Variants in MACROD2 observed in about 807,000 individuals in gnomAD.
MACROD2 encodes mono-ADP ribosylhydrolase 2, also known as ADP-ribose glycohydrolase MACROD2.
A neutral mutation model predicts 70.4 loss-of-function variants in MACROD2; 36 were observed. That is an observed-to-expected ratio of 0.51 (90% CI 0.39 to 0.68). The LOEUF is 0.68. Ranked by LOEUF, MACROD2 falls within the 30% of genes least tolerant of loss-of-function variation. MACROD2 has a pLI of 0.00. For missense variants in MACROD2, 496 were observed against 538.4 expected (o/e 0.92, Z 0.78); for synonymous variants, 172 against 178.8 (o/e 0.96, Z 0.30).
At chr20:15,304,877 G>A (rs544114181) in intron 6 of MACROD2, among the ~76,000 whole-genome samples, 5 of 152,230 alleles carry the variant, frequency 3.3e-5, no homozygotes, top group Non-Finnish European at 5.9e-5. Flanking sequence ...TGCCCTCATG[G>A]CAACTGGCCA....
intron 4 of MACROD2, among the ~76,000 whole-genome samples, chr20:14,578,817 A>C (rs1289128798): frequency 6.6e-6 from 1 of 152,188 alleles, no homozygotes; most frequent in African/African-American, 2.4e-5. Flanking sequence ...GTAGATGGAT[A>C]ATAATTTACT....
intron 8 of MACROD2, among the ~76,000 whole-genome samples, chr20:15,627,252 G>A (rs1195797261): frequency 1.3e-5 from 2 of 150,960 alleles, no homozygotes; most frequent in Non-Finnish European, 3.0e-5. Flanking sequence ...AAAAAAACTG[G>A]GACCATCCTC....
At chr20:15,096,808 ATTTTT>A (rs11479076) in intron 5 of MACROD2, among the ~76,000 whole-genome samples, 1 of 93,658 alleles carries the variant, frequency 1.1e-5, no homozygotes. Context: ...CACTATGCTA[ATTTTT>A]TTTTTTTTTT....
At chr20:15,781,060 T>C (rs2051822895) in intron 8 of MACROD2, among the ~76,000 whole-genome samples, 1 of 152,204 alleles carries the variant, frequency 6.6e-6, no homozygotes, top group South Asian at 2.1e-4. Context: ...GAGTAATAAT[T>C]AAAATAATAA....
chr20:14,174,245 C>G (rs1442454503), intron 3 of MACROD2, among the ~76,000 whole-genome samples: 1 of 152,012 alleles, frequency 6.6e-6, no homozygotes, highest in East Asian at 1.9e-4. Flanking sequence ...GGATTATGTC[C>G]TTTGTCTTTG....
intron 6 of MACROD2, among the ~76,000 whole-genome samples, chr20:15,255,216 ACT>A (rs1164582735): frequency 1.3e-5 from 2 of 151,888 alleles, no homozygotes; most frequent in Admixed American, 1.3e-4. Context: ...TTTATCCTGT[ACT>A]CTCTAATGTA....
Position 15,164,108 on chromosome 20 carries a change from A to G in MACROD2, c.419-65832A>G, listed in dbSNP as rs147549532. On this transcript the variant is annotated intron_variant, in intron 5 of 17. Coordinates refer to ENST00000684519, the MANE Select transcript of MACROD2 (RefSeq NM_001351661.2). ...TCGCAAAATTTAATACTCAAAGGAC[A>G]TACAGTGAGCCCTCCATATCTGTGG... is the stretch of plus-strand genomic sequence containing the variant. Among the ~76,000 whole-genome samples the G allele has an allele frequency of 3.9e-5, 6 of 152,286 alleles. No homozygotes were observed. The East Asian group carries it at 1.2e-3, about 29-fold the overall frequency.
chr20:14,146,549 G>A (rs79946798), intron 3 of MACROD2, among the ~76,000 whole-genome samples: 1 of 152,084 alleles, frequency 6.6e-6, no homozygotes, highest in Admixed American at 6.5e-5. Flanking sequence ...AAGAAGAGAG[G>A]CTCCACAATC....
Position 14,293,774 on chromosome 20 carries a change from A to T in MACROD2, c.272-199705A>T, listed in dbSNP as rs567709371. ...GAAAATGATCACCAAGAAGGACATT[A>T]TGTGCTTGCCAGCTGAGTCTTTGAC... On this transcript the variant is annotated intron_variant, in intron 3 of 17. Transcript: ENST00000684519. 4.6e-5 allele frequency among the ~76,000 whole-genome samples: 7 copies of T among 152,058 alleles called. No individual in the cohort carries two copies. In the East Asian group the frequency reaches 1.4e-3, roughly 29 times the overall value.
chr20:15,278,715 A>G lies in MACROD2; in HGVS notation c.540+48654A>G, dbSNP rs2077415614. ...TCTATAAACACATATGATTTCGCTT[A>G]CTCTCCGTACCAAGTCTACTGACTC... On this transcript the variant is annotated intron_variant, in intron 6 of 17. Coordinates refer to ENST00000684519, the MANE Select transcript of MACROD2 (RefSeq NM_001351661.2). Among the ~76,000 whole-genome samples, 3 of 152,094 alleles carry G rather than the reference A, an allele frequency of 2.0e-5. No homozygotes were observed. In the South Asian group the frequency reaches 6.2e-4, roughly 32 times the overall value.
intron 5 of MACROD2, among the ~76,000 whole-genome samples, chr20:15,041,010 A>C (rs978146556): frequency 1.3e-5 from 2 of 152,166 alleles, no homozygotes; most frequent in Non-Finnish European, 2.9e-5. Context: ...TTTTGGTGGA[A>C]ATACTTGCAA....
intron 8 of MACROD2, among the ~76,000 whole-genome samples, chr20:15,748,748 A>G (rs1169461463): frequency 6.6e-6 from 1 of 152,092 alleles, no homozygotes; most frequent in Non-Finnish European, 1.5e-5. Context: ...TTCATATTTT[A>G]TTAAGAAGTC....
chr20:14,462,476 C>T (rs1837821667), intron 3 of MACROD2, among the ~76,000 whole-genome samples: 1 of 151,968 alleles, frequency 6.6e-6, no homozygotes, highest in South Asian at 2.1e-4. Context: ...TTCTCCCATT[C>T]TGTAGGTTGC....
At chr20:14,114,880 C>A (rs2054496126) in intron 3 of MACROD2, among the ~76,000 whole-genome samples, 1 of 152,080 alleles carries the variant, frequency 6.6e-6, no homozygotes, top group South Asian at 2.1e-4. Flanking sequence ...AAAGTAATAT[C>A]TTCATAATCT....
At chr20:14,096,063 T>C (rs1476829746) in intron 3 of MACROD2, among the ~76,000 whole-genome samples, 1 of 152,220 alleles carries the variant, frequency 6.6e-6, no homozygotes, top group Non-Finnish European at 1.5e-5. Context: ...TCTAGATAGG[T>C]ATAAATAAAA....
chr20:14,916,112 C>G (rs1368896820), intron 5 of MACROD2, among the ~76,000 whole-genome samples: 2 of 152,156 alleles, frequency 1.3e-5, no homozygotes, highest in Admixed American at 6.5e-5. Flanking sequence ...GCTGAGGCTC[C>G]TCATCCTATG....
chr20:14,433,714 G>C (rs2084022500), intron 3 of MACROD2, among the ~76,000 whole-genome samples: 1 of 152,144 alleles, frequency 6.6e-6, no homozygotes, highest in South Asian at 2.1e-4. Context: ...CAGTTTACCT[G>C]AATATTGTCT....
chr20:14,556,774 C>A (rs1290536936), intron 4 of MACROD2, among the ~76,000 whole-genome samples: 1 of 151,740 alleles, frequency 6.6e-6, no homozygotes, highest in Non-Finnish European at 1.5e-5. Context: ...GATCAAGTCA[C>A]CCAAAGGAAA....
At chr20:15,802,446 G>T (rs770563488) in intron 8 of MACROD2, among the ~76,000 whole-genome samples, 3 of 152,114 alleles carry the variant, frequency 2.0e-5, no homozygotes, top group Non-Finnish European at 4.4e-5. Flanking sequence ...CTATTGAGAT[G>T]ATCATATGGT....
Sources: gnomAD v4.1 joint callset for allele counts (sites outside exome capture counted in the v4.1 genomes callset) on GRCh38, gnomAD v4.1.1 for gene constraint, MANE v1.5 for transcripts, NCBI Gene and HGNC (gene_info 2026-07-23, HGNC 2026-07-21) for gene names.